KCND3: variants seen among roughly 807,000 people sequenced by gnomAD.
KCND3 encodes the protein potassium voltage-gated channel subfamily D member 3.
A neutral mutation model predicts 51.1 loss-of-function variants in KCND3; 9 were observed. That is an observed-to-expected ratio of 0.18 (90% CI 0.11 to 0.31). The LOEUF (loss-of-function observed/expected upper bound fraction) is 0.31. KCND3 is among the 10% of genes least tolerant of loss of function. The pLI, the probability that KCND3 is intolerant of heterozygous loss-of-function variation, is 1.00. For synonymous variants in KCND3, 349 were observed against 368.0 expected (o/e 0.95, Z 0.59); for missense variants, 526 against 903.8 (o/e 0.58, Z 5.36).
At chr1:111,973,944 G>C (rs1174002994) in intron 2 of KCND3, among the ~76,000 whole-genome samples, 1 of 152,146 alleles carries the variant, frequency 6.6e-6, no homozygotes, top group African/African-American at 2.4e-5. Flanking sequence ...GTATGAGGTG[G>C]CACTTATATT....
At chr1:111,941,920 C>T (rs570439062) in intron 2 of KCND3, among the ~76,000 whole-genome samples, 1 of 152,326 alleles carries the variant, frequency 6.6e-6, no homozygotes, top group South Asian at 2.1e-4. Context: ...GATTGGGGGT[C>T]AGGGAATCAG....
intron 2 of KCND3, among the ~76,000 whole-genome samples, chr1:111,895,790 G>T (rs1054668832): frequency 6.6e-6 from 1 of 152,256 alleles, no homozygotes; most frequent in Non-Finnish European, 1.5e-5. Flanking sequence ...CAGCGGAAAC[G>T]CTGCCAGCTC....
At chr1:111,861,363 G>T (rs996823447) in intron 2 of KCND3, among the ~76,000 whole-genome samples, 1 of 152,148 alleles carries the variant, frequency 6.6e-6, no homozygotes, top group Non-Finnish European at 1.5e-5. Flanking sequence ...GGCACATAGA[G>T]GTACTTTATG....
chr1:111,805,899 G>A (rs902458098), intron 2 of KCND3, among the ~76,000 whole-genome samples: 5 of 152,212 alleles, frequency 3.3e-5, no homozygotes, highest in African/African-American at 1.2e-4. Flanking sequence ...GCAGCTGCTG[G>A]GTTACTTTCT....
chr1:111,879,015 C>T (rs748822178), intron 2 of KCND3, among the ~76,000 whole-genome samples: 24 of 152,298 alleles, frequency 1.6e-4, no homozygotes, highest in Non-Finnish European at 2.6e-4. Context: ...TTCTTCCTGC[C>T]TGACTGCTTT....
chr1:111,944,897 C>T (rs868043369), intron 2 of KCND3, among the ~76,000 whole-genome samples: 29 of 152,224 alleles, frequency 1.9e-4, no homozygotes, highest in African/African-American at 6.3e-4. Context: ...TCTTCACCGC[C>T]GCTCAGCCTT....
At chr1:111,968,191 C>CCACACAA (rs1262372847) in intron 2 of KCND3, among the ~76,000 whole-genome samples, 1 of 152,090 alleles carries the variant, frequency 6.6e-6, no homozygotes, top group Admixed American at 6.5e-5. Flanking sequence ...TTTTATTAAT[C>CCACACAA]CACACAACAC....
intron 2 of KCND3, among the ~76,000 whole-genome samples, chr1:111,826,300 T>A (rs1005487570): frequency 1.3e-5 from 2 of 152,248 alleles, no homozygotes; most frequent in African/African-American, 4.8e-5. Flanking sequence ...GCCACATTGA[T>A]TTCTTTAGAT....
intron 2 of KCND3, among the ~76,000 whole-genome samples, chr1:111,932,998 T>C (rs1672052611): frequency 6.6e-6 from 1 of 152,298 alleles, no homozygotes; most frequent in East Asian, 1.9e-4. Context: ...TCATCTTAAA[T>C]TGTAATCCCC....
In KCND3 at chr1:111,851,926, A is replaced by G. The variant is rs61788874; in HGVS notation, c.1107-64820T>C. ...AGGATGTTTACCACGACAGCCAGCAACTTGGTTTGGCTCCCTATAGCCTCC... is the reference window on the plus strand; with the variant it reads ...AGGATGTTTACCACGACAGCCAGCAGCTTGGTTTGGCTCCCTATAGCCTCC... On this transcript the variant is annotated intron_variant, in intron 2 of 7. Transcript: ENST00000302127. 7.4e-3 allele frequency among the ~76,000 whole-genome samples: 1,128 copies of G among 152,336 alleles called. 8 individuals are homozygous for G. Among genetic ancestry groups the G allele is most frequent in the Non-Finnish European group, 0.012 (834 of 68,024 alleles).
chr1:111,858,925 G>A (rs1469216076), intron 2 of KCND3, among the ~76,000 whole-genome samples: 2 of 152,168 alleles, frequency 1.3e-5, no homozygotes, highest in Admixed American at 6.5e-5. Context: ...TGGCATAAAC[G>A]CTTGGCTAAC....
intron 2 of KCND3, among the ~76,000 whole-genome samples, chr1:111,977,778 T>C (rs1308530479): frequency 6.6e-6 from 1 of 152,228 alleles, no homozygotes. Context: ...CAAAGTCAAA[T>C]GAAGTTAAGA....
chr1:111,939,730 G>A (rs1672401701), intron 2 of KCND3, among the ~76,000 whole-genome samples: 1 of 152,094 alleles, frequency 6.6e-6, no homozygotes, highest in Non-Finnish European at 1.5e-5. Context: ...TAATCCTTTG[G>A]GTATATACCC....
At chr1:111,919,686 T>C (rs1030797609) in intron 2 of KCND3, among the ~76,000 whole-genome samples, 5 of 152,174 alleles carry the variant, frequency 3.3e-5, no homozygotes, top group Non-Finnish European at 7.3e-5. Context: ...TGGGCAAATT[T>C]ACACATGAAC....
At chr1:111,778,909 A>C (rs1217992822) in intron 5 of KCND3, among the ~76,000 whole-genome samples, 1 of 152,146 alleles carries the variant, frequency 6.6e-6, no homozygotes, top group African/African-American at 2.4e-5. Flanking sequence ...TAATGCCAAC[A>C]TTCCAGCCCT....
At chr1:111,978,870 T>G (rs1160244470) in intron 2 of KCND3, among the ~76,000 whole-genome samples, 4 of 152,206 alleles carry the variant, frequency 2.6e-5, no homozygotes, top group Non-Finnish European at 5.9e-5. Context: ...TGCCAAGTGC[T>G]TGCTATGTAT....
intron 2 of KCND3, among the ~76,000 whole-genome samples, chr1:111,902,940 G>T (rs1442037363): frequency 6.6e-6 from 1 of 152,126 alleles, no homozygotes; most frequent in African/African-American, 2.4e-5. Context: ...TATTTTTAAA[G>T]ATCCGTATTT....
At chr1:111,945,171 A>G (rs957186172) in intron 2 of KCND3, among the ~76,000 whole-genome samples, 106 of 152,214 alleles carry the variant, frequency 7.0e-4, no homozygotes, top group African/African-American at 2.5e-3. Context: ...GCCCCAGGGC[A>G]CCCCTCCTCC....
At chr1:111,861,314 C>A (rs1289725043) in intron 2 of KCND3, among the ~76,000 whole-genome samples, 1 of 152,138 alleles carries the variant, frequency 6.6e-6, no homozygotes. Flanking sequence ...ACCCTGGGTT[C>A]CAACCAAGAT....
Sources: gnomAD v4.1 joint callset for allele counts (sites outside exome capture counted in the v4.1 genomes callset) on GRCh38, gnomAD v4.1.1 for gene constraint, MANE v1.5 for transcripts, NCBI Gene and HGNC (gene_info 2026-07-23, HGNC 2026-07-21) for gene names.